Variants in LHFPL2 observed in about 807,000 individuals in gnomAD.
LHFPL2 encodes the protein LHFPL tetraspan subfamily member 2 protein.
Under a neutral mutation model 17.5 loss-of-function variants are expected in LHFPL2, and 7 were observed. The observed-to-expected ratio is 0.40, with a 90% CI of 0.23 to 0.75. The LOEUF is 0.75. Ranked by LOEUF, LHFPL2 falls within the 30% of genes least tolerant of loss-of-function variation. The pLI is 0.37. For missense variants in LHFPL2, 241 were observed against 294.8 expected, an observed-to-expected ratio of 0.82 and a Z score of 1.34; for synonymous variants, 134 against 116.2, an observed-to-expected ratio of 1.15 and a Z score of -0.99.
chr5:78,582,512 C>T (rs1743185216), intron 2 of LHFPL2, among the ~76,000 whole-genome samples: 1 of 151,348 alleles, frequency 6.6e-6, no homozygotes, highest in African/African-American at 2.4e-5. Context: ...TTTCAAAGAA[C>T]ATCTTTATTT....
chr5:78,627,401 C>A (rs997061016), intron 2 of LHFPL2, among the ~76,000 whole-genome samples: 8 of 152,182 alleles, frequency 5.3e-5, no homozygotes, highest in Admixed American at 3.9e-4. Flanking sequence ...TCCCTCCCCA[C>A]AGAAAGAAAC....
At chr5:78,533,326 C>T (rs1755841759) in intron 3 of LHFPL2, among the ~76,000 whole-genome samples, 1 of 152,186 alleles carries the variant, frequency 6.6e-6, no homozygotes. Context: ...TCTGTTCTAT[C>T]TATTAGGTAT....
intron 3 of LHFPL2, among the ~76,000 whole-genome samples, chr5:78,549,665 G>A (rs534497267): frequency 1.5e-4 from 23 of 152,310 alleles, no homozygotes; most frequent in African/African-American, 9.6e-5. Flanking sequence ...TTATAGAGGC[G>A]GAGGAAGACC....
chr5:78,635,619 G>A (rs575916504), intron 1 of LHFPL2, among the ~76,000 whole-genome samples: 11 of 152,316 alleles, frequency 7.2e-5, no homozygotes, highest in Non-Finnish European at 1.5e-4. Context: ...TGGCTAACAC[G>A]GTGAAACCCC....
chr5:78,582,660 A>T (rs1455689675), intron 2 of LHFPL2, among the ~76,000 whole-genome samples: 2 of 152,290 alleles, frequency 1.3e-5, no homozygotes, highest in East Asian at 1.9e-4. Context: ...ACAGTTTGTT[A>T]TAATTCCTGT....
chr5:78,558,023 T>G (rs764004046), intron 3 of LHFPL2, among the ~76,000 whole-genome samples: 7 of 152,166 alleles, frequency 4.6e-5, no homozygotes, highest in Non-Finnish European at 8.8e-5. Context: ...TTTAATTCAG[T>G]AGAGGTCAGT....
Position 78,637,071 on chromosome 5 carries a change from A to G in LHFPL2, c.-349-4703T>C, listed in dbSNP as rs576072299. Among the ~76,000 whole-genome samples, 535 of 152,258 alleles carry G rather than the reference A, an allele frequency of 3.5e-3. 6 individuals are homozygous for G. The highest frequency in any genetic ancestry group is 0.012 in the African/African-American group (488 of 41,538). ...TGGTTTTTCTAGAGCCTTCCTGATC[A>G]TAAGAACCACCTAGAAGCTTTGTTT... is the stretch of plus-strand genomic sequence containing the variant. On this transcript the variant is annotated intron_variant, in intron 1 of 4. Coordinates refer to ENST00000380345, the MANE Select transcript of LHFPL2 (RefSeq NM_005779.3).
At chr5:78,631,183 T>C (rs1016632554) in intron 2 of LHFPL2, among the ~76,000 whole-genome samples, 3 of 152,230 alleles carry the variant, frequency 2.0e-5, no homozygotes, top group East Asian at 1.9e-4. Flanking sequence ...AGGTTGCCCA[T>C]TGGGAAAGTC....
chr5:78,565,455 G>A (rs1756834869), intron 2 of LHFPL2, among the ~76,000 whole-genome samples: 1 of 152,164 alleles, frequency 6.6e-6, no homozygotes, highest in South Asian at 2.1e-4. Context: ...AGAAATCAAG[G>A]ATTCCTTTTG....
chr5:78,631,076 G>C (rs895691001), intron 2 of LHFPL2, among the ~76,000 whole-genome samples: 1 of 152,216 alleles, frequency 6.6e-6, no homozygotes, highest in Non-Finnish European at 1.5e-5. Flanking sequence ...GAAAACTGAA[G>C]TGCACTGATT....
intron 2 of LHFPL2, among the ~76,000 whole-genome samples, chr5:78,571,552 C>T (rs1757000432): frequency 6.6e-6 from 1 of 152,188 alleles, no homozygotes; most frequent in African/African-American, 2.4e-5. Context: ...CATTTACAAA[C>T]TGTGGCTTGG....
At chr5:78,558,614 T>G (rs977986022) in intron 3 of LHFPL2, among the ~76,000 whole-genome samples, 7 of 152,178 alleles carry the variant, frequency 4.6e-5, no homozygotes, top group Non-Finnish European at 8.8e-5. Context: ...ATACTGGGAT[T>G]ACAGGTGCAT....
chr5:78,587,247 C>CAA (rs373648337), intron 2 of LHFPL2, among the ~76,000 whole-genome samples: 782 of 56,538 alleles, frequency 0.014, 4 homozygotes, highest in Non-Finnish European at 0.027. Context: ...TCACATTTTC[C>CAA]AGTCTGCTGG....
chr5:78,490,092 G>A (rs1754388210), intron 4 of LHFPL2, among the ~76,000 whole-genome samples: 1 of 152,206 alleles, frequency 6.6e-6, no homozygotes. Context: ...AGGACTTTCT[G>A]TCTGCGTACT....
intron 4 of LHFPL2, among the ~76,000 whole-genome samples, chr5:78,490,808 T>C (rs1012268605): frequency 2.0e-5 from 3 of 151,634 alleles, no homozygotes; most frequent in African/African-American, 4.9e-5. Context: ...ACATTTTCTC[T>C]GAAAAATTCA....
chr5:78,620,238 G>C (rs1459157274), intron 2 of LHFPL2, among the ~76,000 whole-genome samples: 2 of 149,982 alleles, frequency 1.3e-5, no homozygotes, highest in African/African-American at 4.9e-5. Flanking sequence ...GTTTTGATTT[G>C]CATTTCTCTG....
chr5:78,645,552 A>C (rs1321915705), intron 1 of LHFPL2, among the ~76,000 whole-genome samples: 1 of 61,110 alleles, frequency 1.6e-5, no homozygotes, highest in Non-Finnish European at 3.9e-5. Context: ...ATACACACAC[A>C]CACACACACA....
intron 4 of LHFPL2, among the ~76,000 whole-genome samples, chr5:78,496,913 A>T (rs1295129171): frequency 1.3e-5 from 2 of 152,116 alleles, no homozygotes; most frequent in Non-Finnish European, 2.9e-5. Flanking sequence ...TCCTGATCAC[A>T]GCTGGCCCCA....
intron 4 of LHFPL2, among the ~76,000 whole-genome samples, chr5:78,493,567 C>G (rs1394182378): frequency 6.6e-6 from 1 of 152,178 alleles, no homozygotes; most frequent in African/African-American, 2.4e-5. Context: ...ACAGCAGGAC[C>G]TTAATAAAAA....
Sources: allele counts gnomAD v4.1 joint callset (sites outside exome capture counted in the v4.1 genomes callset), GRCh38; gene constraint gnomAD v4.1.1; transcripts MANE v1.5; gene names NCBI Gene and HGNC (gene_info 2026-07-23, HGNC 2026-07-21).